ARFGEF2: variants seen among roughly 807,000 people sequenced by gnomAD.
The protein encoded by ARFGEF2 is ARF guanine nucleotide exchange factor 2, also known as brefeldin A-inhibited guanine nucleotide-exchange protein 2.
Under a neutral mutation model 219.9 loss-of-function variants are expected in ARFGEF2, and 74 were observed. The observed-to-expected ratio is 0.34, with a 90% CI of 0.28 to 0.41. The LOEUF (loss-of-function observed/expected upper bound fraction) is 0.41. Among genes scored for constraint, ARFGEF2 ranks in the 10% least tolerant of loss-of-function variants. The pLI is 1.00. For missense variants in ARFGEF2, 1,743 were observed against 2,218.3 expected, an observed-to-expected ratio of 0.79 and a Z score of 4.30; for synonymous variants, 733 against 799.2, an observed-to-expected ratio of 0.92 and a Z score of 1.40.
intron 1 of ARFGEF2, among the ~76,000 whole-genome samples, chr20:48,935,845 A>G (rs2090946923): frequency 1.0e-5 from 1 of 99,588 alleles, no homozygotes; most frequent in African/African-American, 4.5e-5. Flanking sequence ...TCCCTCCCGG[A>G]CGGGGCGGCT....
intron 6 of ARFGEF2, among the ~76,000 whole-genome samples, chr20:48,954,619 T>G (rs942968873): frequency 6.6e-6 from 1 of 152,206 alleles, no homozygotes. Flanking sequence ...CCTACTGGAG[T>G]GCACATATTT....
At chr20:49,031,253 A>G (rs1429947910) in intron 37 of ARFGEF2, among the ~76,000 whole-genome samples, 2 of 96,644 alleles carry the variant, frequency 2.1e-5, no homozygotes, top group African/African-American at 4.2e-5. Context: ...TTTTTTTGAG[A>G]TAGTCTCACT....
At chr20:49,012,150 G>C (rs2091503768) in intron 28 of ARFGEF2, 66 bp downstream of exon 28, 1 of 1,605,706 alleles carries the variant, frequency 6.2e-7, no homozygotes, top group Non-Finnish European at 8.5e-7. Context: ...AGAAATTCTT[G>C]CTCCTAACAA....
intron 30 of ARFGEF2, 140 bp downstream of exon 30, chr20:49,014,100 C>G (rs2123528228): frequency 9.2e-7 from 1 of 1,090,748 alleles, no homozygotes; most frequent in South Asian, 1.3e-5. Flanking sequence ...AATGGAAACA[C>G]CTTTCTGATA....
intron 28 of ARFGEF2, 46 bp downstream of exon 28, chr20:49,012,130 G>T (rs1187997163): frequency 2.5e-6 from 4 of 1,612,752 alleles, no homozygotes; most frequent in Non-Finnish European, 3.4e-6. Flanking sequence ...AAGGGAAAAG[G>T]TCATGGAGCA....
At chr20:49,011,831 A>ATGTGTG (rs147351722) in intron 27 of ARFGEF2, 93 bp from the exon 28 acceptor site, 23 of 1,113,226 alleles carry the variant, frequency 2.1e-5, no homozygotes, top group South Asian at 7.8e-5. Flanking sequence ...TCTCTGATGT[A>ATGTGTG]TGTGTGTGTG....
At chr20:49,016,489 A>G in intron 31 of ARFGEF2, 74 bp downstream of exon 31, 1 of 1,511,660 alleles carries the variant, frequency 6.6e-7, no homozygotes, top group Non-Finnish European at 9.1e-7. Flanking sequence ...CAATATTTAA[A>G]AGCATGGATG....
At chr20:48,979,302 G>T (rs2091281171) in intron 14 of ARFGEF2, among the ~76,000 whole-genome samples, 1 of 152,196 alleles carries the variant, frequency 6.6e-6, no homozygotes, top group Admixed American at 6.5e-5. Flanking sequence ...TGTTGAACCA[G>T]CCTTGCTTCC....
chr20:49,015,441 G>T (rs1330613284), intron 30 of ARFGEF2, among the ~76,000 whole-genome samples: 1 of 152,120 alleles, frequency 6.6e-6, no homozygotes, highest in African/African-American at 2.4e-5. Context: ...TTTAATAATG[G>T]CTACAAAATA....
intron 6 of ARFGEF2, among the ~76,000 whole-genome samples, chr20:48,958,661 C>G (rs2091120276): frequency 6.6e-6 from 1 of 151,920 alleles, no homozygotes; most frequent in African/African-American, 2.4e-5. Flanking sequence ...CCAGGATGGT[C>G]TCGATCTCCT....
intron 14 of ARFGEF2, among the ~76,000 whole-genome samples, 160 bp downstream of exon 14, chr20:48,976,359 A>ATG (rs910108445): frequency 6.6e-6 from 1 of 152,156 alleles, no homozygotes; most frequent in African/African-American, 2.4e-5. Context: ...AAATGAGCGT[A>ATG]TGTGTGTGTG....
At chr20:48,930,154 A>C (rs1334320739) in intron 1 of ARFGEF2, among the ~76,000 whole-genome samples, 2 of 152,238 alleles carry the variant, frequency 1.3e-5, no homozygotes, top group Non-Finnish European at 1.5e-5. Context: ...AGAGCATGGC[A>C]CTAGCATCTG....
chr20:48,969,235 A>C lies in ARFGEF2; in HGVS notation c.1148A>C (p.Lys383Thr). The change falls in exon 9 of 39, where the codon AAG (lysine) becomes ACG (threonine). Residue 383 changes from lysine (K) to threonine (T), a missense_variant. Lys to Thr is a moderately conservative substitution (Grantham distance 78). This residue lies in a region of ARFGEF2 where 666 missense variants were observed against 955.4 expected (regional missense o/e 0.70). Coordinates refer to ENST00000371917, the MANE Select transcript of ARFGEF2 (RefSeq NM_006420.3). Reference protein sequence around the residue: ...DAFLVFRSLCKLSMKPLGEGP... With the variant: ...DAFLVFRSLCTLSMKPLGEGP... ...TTCCTTGTGTTCCGCTCCCTGTGCA[A>C]GCTGTCCATGAAACCCCTTGGTGAA... 1.2e-6 allele frequency: 2 copies of C among 1,614,234 alleles called. No homozygotes were observed. Among genetic ancestry groups the C allele is most frequent in the African/African-American group, 2.7e-5 (2 of 75,046 alleles).
intron 14 of ARFGEF2, among the ~76,000 whole-genome samples, chr20:48,978,055 G>A (rs150250597): frequency 6.6e-6 from 1 of 152,248 alleles, no homozygotes; most frequent in African/African-American, 2.4e-5. Context: ...CCTTGCCCAC[G>A]CCTAGTTCCT....
intron 34 of ARFGEF2, 137 bp downstream of exon 34, chr20:49,019,135 G>C: frequency 1.4e-6 from 1 of 712,800 alleles, no homozygotes; most frequent in Non-Finnish European, 2.4e-6. Flanking sequence ...TAGCAGCCAA[G>C]GTTACCTGTT....
rs551986120 is a variant in ARFGEF2 at position 48,921,889 on chromosome 20, C to T, written c.-1C>T. On this transcript the variant is annotated 5_prime_UTR_variant, in exon 1 of 39. Coordinates refer to ENST00000371917, the MANE Select transcript of ARFGEF2 (RefSeq NM_006420.3). ...CCGTCAGCCCCCGCCGGGCCGGGGC[C>T]ATGCAGGAGAGCCAGACCAAGAGCA... The T allele has an allele frequency of 5.2e-6, 8 of 1,545,026 alleles. No homozygotes were observed. The South Asian group carries it at 8.4e-5, about 16-fold the overall frequency.
At chr20:48,971,405 A>G (rs377072707) in intron 10 of ARFGEF2, 51 bp downstream of exon 10, 6 of 1,279,484 alleles carry the variant, frequency 4.7e-6, no homozygotes, top group African/African-American at 4.5e-5. Context: ...ATTATTAGTC[A>G]TTAATTATAA....
intron 3 of ARFGEF2, among the ~76,000 whole-genome samples, chr20:48,946,191 G>A (rs1463911409): frequency 6.6e-6 from 1 of 152,186 alleles, no homozygotes; most frequent in Non-Finnish European, 1.5e-5. Context: ...TCAGTGCTAT[G>A]CCCTGCCATT....
At chr20:48,999,173 G>A (rs2091409462) in intron 25 of ARFGEF2, 1 of 403,818 alleles carries the variant, frequency 2.5e-6, no homozygotes, top group Non-Finnish European at 4.9e-6. Flanking sequence ...GGGAGGTGGA[G>A]GTTGCAGTGA....
Sources: allele counts gnomAD v4.1 joint callset (sites outside exome capture counted in the v4.1 genomes callset), GRCh38; gene constraint gnomAD v4.1.1; regional missense constraint gnomAD v4.1.1; transcripts MANE v1.5; gene names NCBI Gene and HGNC (gene_info 2026-07-23, HGNC 2026-07-21).